Variants in STARD9 observed in about 807,000 individuals in gnomAD.
STARD9 encodes StAR related lipid transfer domain containing 9.
STARD9 carries 346 observed loss-of-function variants against 399.8 expected under a neutral mutation model. That is an observed-to-expected ratio of 0.87 (90% CI 0.79 to 0.95). STARD9 has a LOEUF of 0.95. STARD9 is among the 40% of genes least tolerant of loss of function. The pLI is 0.00. For missense variants in STARD9, 5,832 were observed against 5,667.5 expected, an observed-to-expected ratio of 1.03 and a Z score of -0.93; for synonymous variants, 2,203 against 2,143.5, an observed-to-expected ratio of 1.03 and a Z score of -0.77.
intron 18 of STARD9, 181 bp from the exon 19 acceptor site, chr15:42,675,483 G>T (rs2060291502): frequency 3.4e-6 from 2 of 587,260 alleles, no homozygotes; most frequent in South Asian, 4.1e-5. Flanking sequence ...AGTTCTTCCT[G>T]TCTGTCTTAT....
chr15:42,595,719 GT>G (rs925203078), intron 3 of STARD9, among the ~76,000 whole-genome samples: 4 of 152,120 alleles, frequency 2.6e-5, no homozygotes, highest in African/African-American at 9.7e-5. Context: ...ACTAGTGCTG[GT>G]TTTTTTCCAA....
intron 26 of STARD9, among the ~76,000 whole-genome samples, chr15:42,705,149 C>T (rs60723187): frequency 0.061 from 9,225 of 152,210 alleles, 625 homozygotes; most frequent in African/African-American, 0.18. Flanking sequence ...AAGGCAAAGT[C>T]CCATGTCCAC....
In STARD9 at chr15:42,693,840, T is replaced by C. The variant is rs1595791246; in HGVS notation, c.12262T>C (p.Cys4088Arg). ...SWGGLQHLSP[C>R]PVSELTDTAG... ...GGGAGGCCTCCAGCACCTCAGCCCC[T>C]GCCCTGTCTCTGAGTTGACTGATAC... is the stretch of plus-strand genomic sequence containing the variant. Residue 4088 changes from cysteine to arginine, a missense_variant, in exon 23 of 33, where the codon TGC (cysteine) becomes CGC (arginine). By Grantham distance (180) the Cys-to-Arg change is radical. Around this residue, in one of 2 missense-constraint regions of STARD9, gnomAD observed 5,828 missense variants for 5,651.1 expected, o/e 1.03. Coordinates refer to ENST00000290607, the MANE Select transcript of STARD9 (RefSeq NM_020759.3). The C allele has an allele frequency of 6.5e-7, 1 of 1,536,792 alleles. No individual in the cohort carries two copies. Among genetic ancestry groups the C allele is most frequent in the Non-Finnish European group, 8.7e-7 (1 of 1,146,750 alleles).
intron 3 of STARD9, among the ~76,000 whole-genome samples, chr15:42,624,076 C>T (rs1181384607): frequency 3.3e-5 from 5 of 152,136 alleles, no homozygotes; most frequent in African/African-American, 1.2e-4. Flanking sequence ...GAAGTGTGGA[C>T]AGTATTTCCT....
At chr15:42,632,916 G>A (rs770792076) in intron 3 of STARD9, among the ~76,000 whole-genome samples, 6 of 152,144 alleles carry the variant, frequency 3.9e-5, no homozygotes, top group African/African-American at 1.2e-4. Context: ...GCTGAAGTAC[G>A]TGGATCACTT....
At chr15:42,601,675 A>C (rs1595613002) in intron 3 of STARD9, among the ~76,000 whole-genome samples, 3 of 151,020 alleles carry the variant, frequency 2.0e-5, no homozygotes, top group African/African-American at 7.3e-5. Flanking sequence ...TCTGAGCAAA[A>C]CTCTCCATTG....
intron 3 of STARD9, among the ~76,000 whole-genome samples, chr15:42,607,994 C>G (rs1026264932): frequency 5.3e-5 from 8 of 152,108 alleles, no homozygotes; most frequent in African/African-American, 1.9e-4. Context: ...AGTGCTCACC[C>G]CCACCCCCCG....
intron 4 of STARD9, among the ~76,000 whole-genome samples, 168 bp from the exon 5 acceptor site, chr15:42,637,739 G>A (rs1188532907): frequency 6.6e-6 from 1 of 152,114 alleles, no homozygotes; most frequent in African/African-American, 2.4e-5. Context: ...TCAGAGCACT[G>A]GCACATAAAA....
intron 14 of STARD9, among the ~76,000 whole-genome samples, chr15:42,665,533 A>G (rs983307865): frequency 2.7e-4 from 41 of 152,232 alleles, no homozygotes; most frequent in African/African-American, 9.9e-4. Flanking sequence ...TCACTTTATC[A>G]TCTCTTGTCT....
chr15:42,681,602 GA>G lies in STARD9; in HGVS notation c.2056del (p.Ile686LeufsTer27), dbSNP rs2060429833. The stretch of plus-strand genomic sequence containing the variant: ...TTGACCAAGCTTGGATTAGCCAGCA[GA>G]TTAAAGAAAGTAGGTGTCCACCACT... ...EFDQAWISQQ[I>X]KENQQCLLRE... is the part of the protein sequence containing the mutation. On this transcript the variant is annotated frameshift_variant, in exon 21 of 33. Transcript: ENST00000290607. LOFTEE classifies it high-confidence loss of function. 2 of 1,536,456 alleles carry G rather than the reference GA, an allele frequency of 1.3e-6. No homozygotes were observed. Among genetic ancestry groups the G allele is most frequent in the Non-Finnish European group, 1.7e-6 (2 of 1,146,490 alleles).
chr15:42,641,493 C>T (rs893560237), intron 7 of STARD9, among the ~76,000 whole-genome samples: 1 of 151,788 alleles, frequency 6.6e-6, no homozygotes, highest in Non-Finnish European at 1.5e-5. Flanking sequence ...TCGGGTATAT[C>T]TCCTAATGCT....
rs769367562 is a variant in STARD9 at position 42,651,064 on chromosome 15, TGGAGGA to T, written c.611_616del (p.Glu204_Glu205del). 10 of 1,535,008 alleles carry T rather than the reference TGGAGGA, an allele frequency of 6.5e-6. No individual in the cohort carries two copies. Among genetic ancestry groups the T allele is most frequent in the Non-Finnish European group, 8.7e-6 (10 of 1,145,322 alleles). ...AATTATAAGCAAGTAATCCAACTCTTGGAGGAGGGAATTGCAAACAGGTAACAGGTT... is the reference window on the plus strand; with the variant it reads ...AATTATAAGCAAGTAATCCAACTCTTGGGAATTGCAAACAGGTAACAGGTT... On this transcript the variant is annotated inframe_deletion, in exon 8 of 33. Transcript: ENST00000290607.
intron 3 of STARD9, among the ~76,000 whole-genome samples, chr15:42,594,617 A>C (rs2058468022): frequency 6.6e-6 from 1 of 152,244 alleles, no homozygotes; most frequent in Admixed American, 6.5e-5. Flanking sequence ...CTAGAGAGAC[A>C]AAATAACAGT....
At chr15:42,656,866 A>G (rs985768781) in intron 9 of STARD9, among the ~76,000 whole-genome samples, 1 of 152,140 alleles carries the variant, frequency 6.6e-6, no homozygotes, top group Non-Finnish European at 1.5e-5. Context: ...ACTTGTGGGA[A>G]AGGGGGGTGA....
At chr15:42,665,943 G>A in intron 15 of STARD9, 95 bp downstream of exon 15, 1 of 965,344 alleles carries the variant, frequency 1.0e-6, no homozygotes, top group Non-Finnish European at 1.6e-6. Flanking sequence ...TGGCAGGGCA[G>A]AGAAGAGCTG....
chr15:42,620,775 GAC>G (rs2141851114), intron 3 of STARD9, among the ~76,000 whole-genome samples: 1 of 113,370 alleles, frequency 8.8e-6, no homozygotes, highest in South Asian at 2.7e-4. Context: ...TTATTTTGGA[GAC>G]AGAGTTTCCC....
chr15:42,651,605 G>A (rs1432300175), intron 8 of STARD9, among the ~76,000 whole-genome samples: 1 of 152,014 alleles, frequency 6.6e-6, no homozygotes, highest in African/African-American at 2.4e-5. Context: ...GAAATACCTA[G>A]AATATTACTA....
chr15:42,629,000 T>C (rs2059278508), intron 3 of STARD9, among the ~76,000 whole-genome samples: 1 of 152,098 alleles, frequency 6.6e-6, no homozygotes, highest in African/African-American at 2.4e-5. Flanking sequence ...TTGCAAGTAT[T>C]TCTCATACTA....
At chr15:42,652,037 C>T (rs1364404713) in intron 8 of STARD9, among the ~76,000 whole-genome samples, 1 of 152,206 alleles carries the variant, frequency 6.6e-6, no homozygotes, top group Non-Finnish European at 1.5e-5. Context: ...CAAGATCTTT[C>T]TGACACTGTA....
Sources: gnomAD v4.1 joint callset for allele counts (sites outside exome capture counted in the v4.1 genomes callset) on GRCh38, gnomAD v4.1.1 for gene constraint, gnomAD v4.1.1 regional missense constraint, MANE v1.5 for transcripts, NCBI Gene and HGNC (gene_info 2026-07-23, HGNC 2026-07-21) for gene names.